The following OR6N1 variants were observed in gnomAD, a reference collection of about 807,000 sequenced individuals.
OR6N1 encodes olfactory receptor family 6 subfamily N member 1, also known as olfactory receptor 6N1.
For synonymous variants in OR6N1, 170 were observed against 150.7 expected (o/e 1.13, Z -0.94); for missense variants, 394 against 371.7 (o/e 1.06, Z -0.49).
chr1:158,815,302 C>G, the OR6N1 span, among the ~76,000 whole-genome samples: 1 of 152,078 alleles, frequency 6.6e-6, no homozygotes, highest in Non-Finnish European at 1.5e-5. Context: ...CTTAAGTCTC[C>G]ACGTATATTG....
the OR6N1 span, among the ~76,000 whole-genome samples, chr1:158,828,269 T>C: frequency 2.6e-5 from 4 of 152,126 alleles, no homozygotes; most frequent in Non-Finnish European, 5.9e-5. Context: ...CAAAAGTCCA[T>C]AGTGCAAAGT....
chr1:158,790,127 G>C, the OR6N1 span, among the ~76,000 whole-genome samples: 1 of 152,114 alleles, frequency 6.6e-6, no homozygotes, highest in Non-Finnish European at 1.5e-5. Context: ...TGGTGTATTT[G>C]TCAACAATGA....
At chr1:158,795,475 G>A in the OR6N1 span, among the ~76,000 whole-genome samples, 1 of 152,144 alleles carries the variant, frequency 6.6e-6, no homozygotes, top group Non-Finnish European at 1.5e-5. Context: ...AGATTATACT[G>A]CAAATCTCAG....
the OR6N1 span, among the ~76,000 whole-genome samples, chr1:158,801,400 T>C: frequency 6.6e-6 from 1 of 152,038 alleles, no homozygotes. Flanking sequence ...CAGGGTTACA[T>C]GAAGAATCAA....
chr1:158,832,791 A>C, the OR6N1 span, among the ~76,000 whole-genome samples: 1 of 152,010 alleles, frequency 6.6e-6, no homozygotes, highest in South Asian at 2.1e-4. Flanking sequence ...AAGTGAACTT[A>C]TGCTTTATTT....
the OR6N1 span, among the ~76,000 whole-genome samples, chr1:158,807,932 T>C: frequency 6.6e-6 from 1 of 152,070 alleles, no homozygotes; most frequent in Non-Finnish European, 1.5e-5. Flanking sequence ...CTTTCACCAA[T>C]TCAGGCATGG....
At chr1:158,775,790 AGAAAAG>A (rs1336164977), upstream of OR6N1, 1 of 152,214 alleles carries the variant, frequency 6.6e-6, no homozygotes, top group Non-Finnish European at 1.5e-5. Context: ...TATGGTTGTA[AGAAAAG>A]GAAGCAAAAT....
chr1:158,785,076 A>G, the OR6N1 span, among the ~76,000 whole-genome samples: 6 of 152,286 alleles, frequency 3.9e-5, no homozygotes, highest in East Asian at 1.2e-3. Context: ...TCAGTGCTAC[A>G]TACTTATTGC....
chr1:158,831,482 G>A, the OR6N1 span: 3 of 152,048 alleles, frequency 2.0e-5, no homozygotes, highest in South Asian at 4.1e-4. Flanking sequence ...AAAGCTTTAC[G>A]GACAGTGATT....
the OR6N1 span, among the ~76,000 whole-genome samples, chr1:158,835,986 C>G: frequency 6.6e-6 from 1 of 151,088 alleles, no homozygotes; most frequent in Non-Finnish European, 1.5e-5. Context: ...CCTCATCTTT[C>G]AGGAATAAGA....
At chr1:158,777,722 CTTTTT>C in the OR6N1 span, 2 of 791,480 alleles carry the variant, frequency 2.5e-6, no homozygotes, top group Non-Finnish European at 4.1e-6. Flanking sequence ...CTCTCTCTCT[CTTTTT>C]AACTTAAAAG....
the OR6N1 span, among the ~76,000 whole-genome samples, chr1:158,798,851 A>C: frequency 2.4e-4 from 36 of 152,290 alleles, no homozygotes; most frequent in African/African-American, 8.4e-4. Flanking sequence ...ATTACTGTGC[A>C]GCATGGAAAG....
chr1:158,802,510 A>C, the OR6N1 span, among the ~76,000 whole-genome samples: 1 of 152,110 alleles, frequency 6.6e-6, no homozygotes, highest in Non-Finnish European at 1.5e-5. Flanking sequence ...ACTTGAATAC[A>C]TGAAGAATCA....
chr1:158,781,859 GCA>G, the OR6N1 span, among the ~76,000 whole-genome samples: 2 of 152,220 alleles, frequency 1.3e-5, no homozygotes, highest in African/African-American at 2.4e-5. Flanking sequence ...CACAATGTAT[GCA>G]CAGTCTTCAC....
the OR6N1 span, among the ~76,000 whole-genome samples, chr1:158,785,878 C>G: frequency 4.6e-5 from 7 of 152,064 alleles, no homozygotes; most frequent in Non-Finnish European, 8.8e-5. Flanking sequence ...TCTTAAAGGG[C>G]CATGTAGTCA....
At chr1:158,806,755 A>T in the OR6N1 span, among the ~76,000 whole-genome samples, 2 of 152,098 alleles carry the variant, frequency 1.3e-5, no homozygotes, top group Admixed American at 1.3e-4. Flanking sequence ...CCAAAATCAT[A>T]GAGGCAAAAA....
At chr1:158,839,016 C>T in the OR6N1 span, among the ~76,000 whole-genome samples, 2 of 152,030 alleles carry the variant, frequency 1.3e-5, no homozygotes, top group African/African-American at 4.8e-5. Flanking sequence ...TTTCCTTTAA[C>T]TCATTTATCA....
At chr1:158,809,530 ACTAGAAATCAAGG>A in the OR6N1 span, among the ~76,000 whole-genome samples, 3 of 152,148 alleles carry the variant, frequency 2.0e-5, no homozygotes, top group Non-Finnish European at 4.4e-5. Flanking sequence ...CAGGTGTGGG[ACTAGAAATCAAGG>A]CTCCTGATCC....
the OR6N1 span, among the ~76,000 whole-genome samples, chr1:158,783,510 A>G: frequency 6.6e-6 from 1 of 152,202 alleles, no homozygotes; most frequent in African/African-American, 2.4e-5. Flanking sequence ...ACCAAGTAAC[A>G]CCTGTTTATC....
Sources: allele counts gnomAD v4.1 joint callset (sites outside exome capture counted in the v4.1 genomes callset), GRCh38; gene constraint gnomAD v4.1.1; transcripts MANE v1.5; gene names NCBI Gene and HGNC (gene_info 2026-07-23, HGNC 2026-07-21).